FGF2: variants seen among roughly 807,000 people sequenced by gnomAD.
FGF2 encodes basic fibroblast growth factor bFGF.
In FGF2, 13 loss-of-function variants were observed where a neutral mutation model predicts 15.9. The observed-to-expected ratio is 0.82, with a 90% CI of 0.53 to 1.30. The LOEUF (loss-of-function observed/expected upper bound fraction) is 1.30. Ranked by LOEUF, FGF2 falls within the 50% of genes most tolerant of loss-of-function variation. The pLI is 0.00. For missense variants in FGF2, 163 were observed against 196.9 expected (o/e 0.83, Z 1.03); for synonymous variants, 90 against 78.4 (o/e 1.15, Z -0.78).
In FGF2 at chr4:122,847,251, G is replaced by A. The variant is rs1250069442; in HGVS notation, c.178+19899G>A. On this transcript the variant is annotated intron_variant, in intron 1 of 2. Coordinates refer to ENST00000644866, the MANE Select transcript of FGF2 (RefSeq NM_001361665.2). ...TTTCTAAGGTGAGAGAATTATAACC[G>A]TATTCTTTGGGAATGTCCTCTTATA... Among the ~76,000 whole-genome samples, 5 of 152,232 alleles carry A rather than the reference G, an allele frequency of 3.3e-5. No individual in the cohort carries two copies. In the South Asian group the frequency reaches 8.3e-4, roughly 25 times the overall value.
intron 1 of FGF2, among the ~76,000 whole-genome samples, chr4:122,871,997 G>A (rs1409626995): frequency 6.6e-6 from 1 of 152,068 alleles, no homozygotes; most frequent in Non-Finnish European, 1.5e-5. Context: ...CTCCATCAAG[G>A]GTGCAGAACT....
At position 122,887,966 on chromosome 4, in the gene FGF2, CAA is replaced by C. The variant is rs1447764796; in HGVS notation, c.283-4240_283-4239del. Among the ~76,000 whole-genome samples the C allele has an allele frequency of 4.6e-5, 7 of 151,954 alleles. No homozygotes were observed. In the South Asian group the frequency reaches 6.2e-4, roughly 14 times the overall value. On this transcript the variant is annotated intron_variant, in intron 2 of 2. Transcript: ENST00000644866. ...CTAGTTCTGTGGTTATTAGCATTAG[CAA>C]AAAAGAAGGAAAAAAGTTAAATGAT...
Position 122,897,710 on chromosome 4 carries a change from A to C in FGF2, c.*5314A>C. 7.0e-7 allele frequency: 1 copy of C among 1,429,560 alleles called. No homozygotes were observed. The highest frequency in any genetic ancestry group is 2.3e-5 in the East Asian group (1 of 43,906). The allele number at this position is 1,429,560 out of a possible 1,614,324, so 88.6% of individuals were successfully genotyped here. ...TATAAAGTCAGAAAATAAAGTTAAC[A>C]TAACTTTCACTAACACACACATATG... On this transcript the variant is annotated 3_prime_UTR_variant, in exon 3 of 3. Coordinates refer to ENST00000644866, the MANE Select transcript of FGF2 (RefSeq NM_001361665.2).
intron 1 of FGF2, among the ~76,000 whole-genome samples, chr4:122,836,849 G>T (rs1011845939): frequency 6.6e-6 from 1 of 152,184 alleles, no homozygotes; most frequent in African/African-American, 2.4e-5. Flanking sequence ...GTAGTCATTT[G>T]TTGGATCACT....
intron 2 of FGF2, among the ~76,000 whole-genome samples, chr4:122,889,722 TAATA>T (rs959693257): frequency 2.6e-5 from 4 of 152,304 alleles, no homozygotes; most frequent in Non-Finnish European, 4.4e-5. Flanking sequence ...ATAACTTTTG[TAATA>T]AATAAATAAG....
Position 122,895,483 on chromosome 4 carries a change from T to G in FGF2, c.*3087T>G, listed in dbSNP as rs77571189. 6.6e-6 allele frequency: 1 copy of G among 152,198 alleles called. No individual in the cohort carries two copies. 9.4% of individuals were successfully genotyped at this position (152,198 alleles called of 1,614,324 possible). A position where few individuals can be genotyped will look rare whatever the true frequency, so the allele number is the denominator to read the frequency against. Reference sequence around the variant, plus strand: ...GGGAAATAATCTGCAGAATGTGGGTTTTCCTGGTGTTTCCCTCTGACTCTA... The same window carrying G: ...GGGAAATAATCTGCAGAATGTGGGTGTTCCTGGTGTTTCCCTCTGACTCTA... On this transcript the variant is annotated 3_prime_UTR_variant, in exon 3 of 3. Coordinates refer to ENST00000644866, the MANE Select transcript of FGF2 (RefSeq NM_001361665.2).
In FGF2 at chr4:122,874,308, C is replaced by G. The variant is rs552131475; in HGVS notation, c.179-2013C>G. On this transcript the variant is annotated intron_variant, in intron 1 of 2. Coordinates refer to ENST00000644866, the MANE Select transcript of FGF2 (RefSeq NM_001361665.2). Reference sequence around the variant, plus strand: ...TTTTCCAATAATATTGTAAAAAATACTTCATACCCTTCATTGTTTGGGTTT... The same window carrying G: ...TTTTCCAATAATATTGTAAAAAATAGTTCATACCCTTCATTGTTTGGGTTT... Among the ~76,000 whole-genome samples, 116 of 152,264 alleles carry G rather than the reference C, an allele frequency of 7.6e-4. 1 individual carries two copies. Among genetic ancestry groups the G allele is most frequent in the Middle Eastern group, 3.4e-3 (1 of 294 alleles).
chr4:122,855,174 CTTACTTAA>C (rs1359821757), intron 1 of FGF2, among the ~76,000 whole-genome samples: 1 of 152,176 alleles, frequency 6.6e-6, no homozygotes, highest in Non-Finnish European at 1.5e-5. Context: ...CCATGAGGCA[CTTACTTAA>C]TTAACTTTGA....
chr4:122,876,334 T>C lies in FGF2; in HGVS notation c.192T>C (p.Leu64=). ...EKSDPHIKLQ[L]QAEERGVVSI... is the part of the protein sequence containing the mutation. ...TTCCCGTTACAGTCAAGCTACAACT[T>C]CAAGCAGAAGAGAGAGGAGTTGTGT... The change falls in exon 2 of 3, where the codon CTT becomes CTC. Residue 64 remains leucine, a synonymous_variant. Transcript: ENST00000644866. 6.2e-7 allele frequency: 1 copy of C among 1,610,978 alleles called. No homozygotes were observed. Among genetic ancestry groups the C allele is most frequent in the Non-Finnish European group, 8.5e-7 (1 of 1,177,248 alleles).
intron 1 of FGF2, among the ~76,000 whole-genome samples, chr4:122,874,964 T>C (rs572521443): frequency 8.5e-5 from 13 of 152,320 alleles, no homozygotes; most frequent in Non-Finnish European, 1.5e-4. Flanking sequence ...TGGGATGACC[T>C]ATGAAAATAG....
intron 1 of FGF2, among the ~76,000 whole-genome samples, chr4:122,862,781 T>A (rs917784534): frequency 1.3e-5 from 2 of 152,240 alleles, no homozygotes; most frequent in Non-Finnish European, 2.9e-5. Context: ...TATGTTACAA[T>A]ATTTTAAAAA....
rs868077686 is a variant in FGF2 at position 122,877,263 on chromosome 4, C to A, written c.282+839C>A. On this transcript the variant is annotated intron_variant, in intron 2 of 2. Transcript: ENST00000644866. ...TAGCTGGGATTACAGGAATGCACCA[C>A]CATGCCTGGTTAATTTTTTTGTATT... is the stretch of plus-strand genomic sequence containing the variant. Among the ~76,000 whole-genome samples the A allele has an allele frequency of 6.6e-5, 10 of 152,218 alleles. No homozygotes were observed. The Middle Eastern group carries it at 0.01, about 155-fold the overall frequency.
intron 1 of FGF2, among the ~76,000 whole-genome samples, chr4:122,829,088 C>G (rs45572338): frequency 0.014 from 2,061 of 151,570 alleles, 56 homozygotes; most frequent in African/African-American, 0.047. Flanking sequence ...ATCATTTTTT[C>G]TTTGAAGATT....
Position 122,894,268 on chromosome 4 carries a change from A to T in FGF2, c.*1872A>T, listed in dbSNP as rs768643348. 3 of 152,224 alleles carry T rather than the reference A, an allele frequency of 2.0e-5. No homozygotes were observed. Among genetic ancestry groups the T allele is most frequent in the Admixed American group, 6.5e-5 (1 of 15,288 alleles). 9.4% of individuals were successfully genotyped at this position (152,224 alleles called of 1,614,324 possible). A position where few individuals can be genotyped will look rare whatever the true frequency, so the allele number is the denominator to read the frequency against. On this transcript the variant is annotated 3_prime_UTR_variant, in exon 3 of 3. Coordinates refer to ENST00000644866, the MANE Select transcript of FGF2 (RefSeq NM_001361665.2). ...ACAATTGAGATTTGCCCATAGGTTA[A>T]ACATGGTTAGAAACAACTGAAAGCA... is the stretch of plus-strand genomic sequence containing the variant.
intron 1 of FGF2, among the ~76,000 whole-genome samples, chr4:122,855,149 C>G (rs896390461): frequency 6.6e-6 from 1 of 152,174 alleles, no homozygotes; most frequent in Non-Finnish European, 1.5e-5. Flanking sequence ...GGCCAACAAG[C>G]TGGTTGCATT....
At position 122,897,714 on chromosome 4, in the gene FGF2, C is replaced by T; in HGVS notation, c.*5318C>T. 7.7e-7 allele frequency: 1 copy of T among 1,304,362 alleles called. No individual in the cohort carries two copies. Among genetic ancestry groups the T allele is most frequent in the Non-Finnish European group, 1.1e-6 (1 of 897,354 alleles). The allele number at this position is 1,304,362 out of a possible 1,614,324, so 80.8% of individuals were successfully genotyped here. A position where few individuals can be genotyped will look rare whatever the true frequency, so the allele number is the denominator to read the frequency against. The stretch of plus-strand genomic sequence containing the variant: ...AAGTCAGAAAATAAAGTTAACATAA[C>T]TTTCACTAACACACACATATGTAGA... On this transcript the variant is annotated 3_prime_UTR_variant, in exon 3 of 3. Transcript: ENST00000644866.
intron 2 of FGF2, among the ~76,000 whole-genome samples, chr4:122,884,181 T>A (rs1451019640): frequency 6.6e-6 from 1 of 152,200 alleles, no homozygotes; most frequent in Non-Finnish European, 1.5e-5. Context: ...TTATGCAACC[T>A]ATAGGTATTA....
chr4:122,833,367 T>C (rs1406347348), intron 1 of FGF2, among the ~76,000 whole-genome samples: 2 of 152,220 alleles, frequency 1.3e-5, no homozygotes, highest in Non-Finnish European at 2.9e-5. Flanking sequence ...ATGTTCCAGA[T>C]ATAATTGAAC....
intron 1 of FGF2, among the ~76,000 whole-genome samples, chr4:122,838,366 ATGAG>A (rs1419669286): frequency 2.0e-5 from 3 of 152,224 alleles, no homozygotes; most frequent in Non-Finnish European, 4.4e-5. Context: ...TATTGAATGA[ATGAG>A]TGAGTGAAAT....
Sources: allele counts gnomAD v4.1 joint callset (sites outside exome capture counted in the v4.1 genomes callset), GRCh38; gene constraint gnomAD v4.1.1; transcripts MANE v1.5; gene names NCBI Gene and HGNC (gene_info 2026-07-23, HGNC 2026-07-21).